LRRC4C: variants seen among roughly 807,000 people sequenced by gnomAD.
LRRC4C encodes the protein leucine-rich repeat-containing protein 4C.
Under a neutral mutation model 33.6 loss-of-function variants are expected in LRRC4C, and 5 were observed. The observed-to-expected ratio is 0.15, with a 90% CI of 0.08 to 0.31. The LOEUF is 0.31. Among genes scored for constraint, LRRC4C ranks in the 10% least tolerant of loss-of-function variants. The pLI is 1.00. For missense variants in LRRC4C, 560 were observed against 796.7 expected (o/e 0.70, Z 3.58); for synonymous variants, 329 against 302.0 (o/e 1.09, Z -0.93).
chr11:41,304,263 G>T (rs1950395192), intron 1 of LRRC4C, among the ~76,000 whole-genome samples: 1 of 125,972 alleles, frequency 7.9e-6, no homozygotes, highest in Admixed American at 7.6e-5. Context: ...CCGTCTGGGA[G>T]GTGAGGGGCG....
intron 3 of LRRC4C, among the ~76,000 whole-genome samples, chr11:40,622,111 T>G (rs1246291478): frequency 6.6e-6 from 1 of 151,886 alleles, no homozygotes; most frequent in African/African-American, 2.4e-5. Flanking sequence ...CAAGTGGTCT[T>G]TCTACTTTGC....
rs566134932 is a variant in LRRC4C at position 41,269,780 on chromosome 11, A to G, written c.-496+189651T>C. Among the ~76,000 whole-genome samples the G allele has an allele frequency of 7.2e-5, 11 of 152,270 alleles. No homozygotes were observed. In the South Asian group the frequency reaches 2.3e-3, roughly 32 times the overall value. Reference sequence around the variant, plus strand: ...TGCATACAGGTTTCTAAATGTCTTCAGCATCAGTCTCTGTAACCAACTATT... The same window carrying G: ...TGCATACAGGTTTCTAAATGTCTTCGGCATCAGTCTCTGTAACCAACTATT... On this transcript the variant is annotated intron_variant, in intron 1 of 6. Coordinates refer to ENST00000528697, the MANE Select transcript of LRRC4C (RefSeq NM_001258419.2).
At chr11:40,316,115 CA>C (rs909370250) in intron 4 of LRRC4C, among the ~76,000 whole-genome samples, 8 of 151,670 alleles carry the variant, frequency 5.3e-5, no homozygotes, top group African/African-American at 1.7e-4. Flanking sequence ...ATTTTTTAAT[CA>C]AAAAAAATCC....
chr11:40,527,106 C>T (rs1956082600), intron 3 of LRRC4C, among the ~76,000 whole-genome samples: 1 of 151,976 alleles, frequency 6.6e-6, no homozygotes, highest in South Asian at 2.1e-4. Flanking sequence ...CAGTCATCAC[C>T]CTGCAATGGG....
intron 1 of LRRC4C, among the ~76,000 whole-genome samples, chr11:40,959,220 C>A (rs887043960): frequency 5.3e-5 from 8 of 151,486 alleles, no homozygotes; most frequent in Admixed American, 5.3e-4. Context: ...GTTAAGTATA[C>A]CATCAATAAA....
chr11:41,363,243 GCTGAGTCTTGAGTCATCCAC>G (rs1952419351), intron 1 of LRRC4C, among the ~76,000 whole-genome samples: 1 of 152,158 alleles, frequency 6.6e-6, no homozygotes, highest in Non-Finnish European at 1.5e-5. Context: ...TGCCCACCAA[GCTGAGTCTTGAGTCATCCAC>G]CTGAGTCTTG....
intron 2 of LRRC4C, among the ~76,000 whole-genome samples, chr11:40,903,249 C>T (rs1956284324): frequency 6.6e-6 from 1 of 152,142 alleles, no homozygotes; most frequent in Non-Finnish European, 1.5e-5. Context: ...GGCTGGATAG[C>T]AGCACATCTG....
At chr11:41,413,043 C>A (rs892089681) in intron 1 of LRRC4C, among the ~76,000 whole-genome samples, 7 of 150,264 alleles carry the variant, frequency 4.7e-5, no homozygotes, top group Middle Eastern at 6.3e-3. Flanking sequence ...ACTTTTTTTT[C>A]TTTTCTTCTT....
chr11:40,284,824 G>C (rs1590909181), intron 4 of LRRC4C, among the ~76,000 whole-genome samples: 1 of 152,174 alleles, frequency 6.6e-6, no homozygotes, highest in Admixed American at 6.5e-5. Context: ...TTTCAGCACA[G>C]TGCCTGGTGC....
At chr11:41,093,228 G>T (rs1185804231) in intron 1 of LRRC4C, among the ~76,000 whole-genome samples, 1 of 152,164 alleles carries the variant, frequency 6.6e-6, no homozygotes, top group Non-Finnish European at 1.5e-5. Flanking sequence ...ATGATAAAGA[G>T]ATGTATGCAA....
At chr11:40,848,097 A>G (rs770961030) in intron 2 of LRRC4C, among the ~76,000 whole-genome samples, 4 of 151,376 alleles carry the variant, frequency 2.6e-5, no homozygotes, top group African/African-American at 7.3e-5. Context: ...TTTTTTTTAA[A>G]AAAAGCCCCT....
At chr11:40,467,152 C>T (rs979051687) in intron 3 of LRRC4C, among the ~76,000 whole-genome samples, 2 of 151,978 alleles carry the variant, frequency 1.3e-5, no homozygotes, top group Non-Finnish European at 2.9e-5. Context: ...TCTTAGACTG[C>T]CTCAGTGAAG....
chr11:41,077,790 T>C (rs1158422902), intron 1 of LRRC4C, among the ~76,000 whole-genome samples: 2 of 152,202 alleles, frequency 1.3e-5, no homozygotes, highest in African/African-American at 2.4e-5. Context: ...GGGTTTTTCT[T>C]TTATTCCACA....
intron 2 of LRRC4C, among the ~76,000 whole-genome samples, chr11:40,738,368 G>A (rs1253937274): frequency 1.3e-5 from 2 of 151,970 alleles, no homozygotes; most frequent in African/African-American, 4.8e-5. Context: ...AATCACATGA[G>A]CCAATTCTCC....
intron 1 of LRRC4C, among the ~76,000 whole-genome samples, chr11:41,280,120 TC>T (rs1949615722): frequency 6.6e-6 from 1 of 152,210 alleles, no homozygotes; most frequent in African/African-American, 2.4e-5. Context: ...TGTCTTTACT[TC>T]AATGCCTAGT....
chr11:40,804,765 AT>A (rs747236226), intron 2 of LRRC4C, among the ~76,000 whole-genome samples: 46 of 151,664 alleles, frequency 3.0e-4, no homozygotes, highest in East Asian at 3.9e-4. Flanking sequence ...ACTTGAAATT[AT>A]TTTTTTTTCT....
chr11:40,588,572 T>C (rs375815425), intron 3 of LRRC4C, among the ~76,000 whole-genome samples: 1 of 151,720 alleles, frequency 6.6e-6, no homozygotes, highest in East Asian at 1.9e-4. Context: ...TGATGTTAGG[T>C]TGTCAATTTT....
In LRRC4C at chr11:40,467,329, AT is replaced by A. The variant is rs1952701085; in HGVS notation, c.-269-147609del. Among the ~76,000 whole-genome samples, 4 of 152,270 alleles carry A rather than the reference AT, an allele frequency of 2.6e-5. No individual in the cohort carries two copies. In the South Asian group the frequency reaches 8.3e-4, roughly 32 times the overall value. On this transcript the variant is annotated intron_variant, in intron 3 of 6. Coordinates refer to ENST00000528697, the MANE Select transcript of LRRC4C (RefSeq NM_001258419.2). ...GAGACTAATTTCTTTTTTTAAAAAAATCATCATTATTACTTTGAACTAGAGA... is the reference window on the plus strand; with the variant it reads ...GAGACTAATTTCTTTTTTTAAAAAAACATCATTATTACTTTGAACTAGAGA...
At chr11:41,000,058 C>A (rs1239813355) in intron 1 of LRRC4C, among the ~76,000 whole-genome samples, 3 of 151,954 alleles carry the variant, frequency 2.0e-5, no homozygotes, top group Admixed American at 1.3e-4. Flanking sequence ...TGTAAAAAAC[C>A]TTGCATGCTA....
Sources: gnomAD v4.1 joint callset for allele counts (sites outside exome capture counted in the v4.1 genomes callset) on GRCh38, gnomAD v4.1.1 for gene constraint, MANE v1.5 for transcripts, NCBI Gene and HGNC (gene_info 2026-07-23, HGNC 2026-07-21) for gene names.